TMEM213: variants seen among roughly 807,000 people sequenced by gnomAD.
TMEM213 encodes the protein transmembrane protein 213.
A neutral mutation model predicts 11.6 loss-of-function variants in TMEM213; 7 were observed. The ratio of observed to expected loss-of-function variants is 0.60; its 90% CI spans 0.34 to 1.13. TMEM213 has a LOEUF of 1.13. Among genes scored for constraint, TMEM213 ranks in the 50% most tolerant of loss-of-function variants. The probability of loss-of-function intolerance (pLI) is 0.03; values close to 1 mark genes in which losing one functional copy is unlikely to be tolerated. For missense variants in TMEM213, 129 were observed against 139.0 expected, an observed-to-expected ratio of 0.93 and a Z score of 0.36; for synonymous variants, 60 against 58.3, an observed-to-expected ratio of 1.03 and a Z score of -0.13.
intron 2 of TMEM213, among the ~76,000 whole-genome samples, chr7:138,802,165 C>CA (rs5887905): frequency 9.3e-5 from 14 of 149,794 alleles, no homozygotes; most frequent in African/African-American, 2.2e-4. Flanking sequence ...GACTCCCTCT[C>CA]AAAAAAAAAA....
rs560761867 is a variant in TMEM213 at position 138,798,013 on chromosome 7, T to C, written c.-92T>C. 2.5e-4 allele frequency: 389 copies of C among 1,549,978 alleles called. No individual in the cohort carries two copies. Among genetic ancestry groups the C allele is most frequent in the Non-Finnish European group, 3.2e-4 (367 of 1,146,508 alleles). On this transcript the variant is annotated 5_prime_UTR_variant, in exon 1 of 3. Transcript: ENST00000442682. ...TCTGGCAGAGTTGCTTTCCAGCTCC[T>C]GCAGGTGGGAGTCGACTCACCTGCA...
At position 138,797,996 on chromosome 7, in the gene TMEM213, A is replaced by G. The variant is rs1038397491; in HGVS notation, c.-109A>G. 2 of 1,547,864 alleles carry G rather than the reference A, an allele frequency of 1.3e-6. No individual in the cohort carries two copies. The highest frequency in any genetic ancestry group is 1.4e-5 in the African/African-American group (1 of 72,948). On this transcript the variant is annotated 5_prime_UTR_variant, in exon 1 of 3. Transcript: ENST00000442682. ...CCCAGCATAAGTTCACCTCTGGCAG[A>G]GTTGCTTTCCAGCTCCTGCAGGTGG...
chr7:138,798,243 G>A, intron 1 of TMEM213, 57 bp downstream of exon 1: 2 of 1,487,200 alleles, frequency 1.3e-6, no homozygotes, highest in South Asian at 2.5e-5. Flanking sequence ...AAGGAGGGAA[G>A]AGAGGTGGGA....
Position 138,805,634 on chromosome 7 carries a change from G to A in TMEM213, c.*2565G>A, listed in dbSNP as rs556305492. The A allele has an allele frequency of 3.4e-4, 51 of 152,108 alleles. No homozygotes were observed. The highest frequency in any genetic ancestry group is 1.1e-3 in the African/African-American group (47 of 41,492). The allele number at this position is 152,108 out of a possible 1,614,324, so 9.4% of individuals were successfully genotyped here. A position where few individuals can be genotyped will look rare whatever the true frequency, so the allele number is the denominator to read the frequency against. On this transcript the variant is annotated 3_prime_UTR_variant, in exon 3 of 3. Coordinates refer to ENST00000442682, the MANE Select transcript of TMEM213 (RefSeq NM_001085429.2). ...GAGAGTACTATCTTTTTTTAAAAAG[G>A]GAAATTAAGATTTATTTCTGGCCAA...
intron 1 of TMEM213, among the ~76,000 whole-genome samples, chr7:138,800,783 T>G (rs2130263328): frequency 6.8e-6 from 1 of 146,250 alleles, no homozygotes; most frequent in East Asian, 2.1e-4. Context: ...TCACTGAACC[T>G]CCGCCTCCTG....
Position 138,800,410 on chromosome 7 carries a change from G to A in TMEM213, c.83-917G>A, listed in dbSNP as rs182116142. Reference sequence around the variant, plus strand: ...CCCAATCCCACACCTCAAGACAACAGGACTTTAACAATTCATGCTAAAGTC... The same window carrying A: ...CCCAATCCCACACCTCAAGACAACAAGACTTTAACAATTCATGCTAAAGTC... On this transcript the variant is annotated intron_variant, in intron 1 of 2. Transcript: ENST00000442682. 2.7e-3 allele frequency among the ~76,000 whole-genome samples: 415 copies of A among 152,254 alleles called. 3 individuals are homozygous for A. Among genetic ancestry groups the A allele is most frequent in the Middle Eastern group, 6.8e-3 (2 of 294 alleles).
chr7:138,800,125 G>T (rs1309310816), intron 1 of TMEM213, among the ~76,000 whole-genome samples: 2 of 152,024 alleles, frequency 1.3e-5, no homozygotes, highest in African/African-American at 4.8e-5. Flanking sequence ...TCTAATAATA[G>T]AACTTGCACT....
intron 1 of TMEM213, chr7:138,798,424 C>T (rs1808804907): frequency 1.8e-6 from 1 of 553,716 alleles, no homozygotes; most frequent in Admixed American, 3.1e-5. Flanking sequence ...AATTCCTCAG[C>T]TAAGGCAGGA....
intron 2 of TMEM213, chr7:138,801,776 T>C: frequency 4.3e-6 from 1 of 230,100 alleles, no homozygotes; most frequent in Non-Finnish European, 8.6e-6. Context: ...TATTTCTTCT[T>C]CTTCTATGCA....
rs200046284 is a variant in TMEM213 at position 138,802,927 on chromosome 7, G to A, written c.182G>A (p.Arg61Gln). The A allele has an allele frequency of 2.1e-4, 334 of 1,595,872 alleles. 1 individual carries two copies. Among genetic ancestry groups the A allele is most frequent in the Non-Finnish European group, 2.2e-4 (255 of 1,172,946 alleles). Residue 61 changes from arginine (R) to glutamine (Q), a missense_variant, in exon 3 of 3, where the codon CGG becomes CAG. By Grantham distance (43) the Arg-to-Gln change is conservative. Transcript: ENST00000442682. ...LNVDFCPQAA[R>Q]CCRTGVDEYG... The stretch of plus-strand genomic sequence containing the variant: ...GTGGACTTCTGCCCACAAGCAGCCC[G>A]GTGCTGCCGCACAGGAGTGGACGAG...
Position 138,803,151 on chromosome 7 carries a change from A to G in TMEM213, c.*82A>G, listed in dbSNP as rs1217252983. On this transcript the variant is annotated 3_prime_UTR_variant, in exon 3 of 3. Coordinates refer to ENST00000442682, the MANE Select transcript of TMEM213 (RefSeq NM_001085429.2). ...GGGGAGTAAGGCTAACATGGTTTCT[A>G]TTATTTAAGTCATTTTCACCTTTAA... 3.0e-5 allele frequency: 44 copies of G among 1,463,732 alleles called. No homozygotes were observed. In the East Asian group the frequency reaches 1.0e-3, roughly 35 times the overall value. 90.7% of individuals were successfully genotyped at this position (1,463,732 alleles called of 1,614,324 possible).
At chr7:138,798,483 G>A (rs1490476479) in intron 1 of TMEM213, among the ~76,000 whole-genome samples, 1 of 152,160 alleles carries the variant, frequency 6.6e-6, no homozygotes, top group Non-Finnish European at 1.5e-5. Flanking sequence ...AAAGTTATTT[G>A]CTGGAGTCTC....
intron 1 of TMEM213, chr7:138,799,520 C>T (rs1428744691): frequency 6.6e-6 from 1 of 152,198 alleles, no homozygotes. Context: ...ATTTGAACCA[C>T]AGAAAATTGC....
chr7:138,799,615 T>C (rs1331096669), intron 1 of TMEM213: 3 of 152,228 alleles, frequency 2.0e-5, no homozygotes, highest in Non-Finnish European at 4.4e-5. Context: ...AGGGTTTTTT[T>C]CCACTCACTT....
chr7:138,798,447 C>A, intron 1 of TMEM213: 1 of 540,350 alleles, frequency 1.9e-6, no homozygotes. Flanking sequence ...AGCCACCTCT[C>A]TTGGCCTTTG....
At chr7:138,802,642 G>A (rs1244119312) in intron 2 of TMEM213, among the ~76,000 whole-genome samples, 1 of 152,076 alleles carries the variant, frequency 6.6e-6, no homozygotes, top group Non-Finnish European at 1.5e-5. Context: ...TTGCGTTTGA[G>A]TTCTTCTGCC....
rs769008625 is a variant in TMEM213 at position 138,801,374 on chromosome 7, C to T, written c.130C>T (p.Pro44Ser). The change falls in exon 2 of 3, where the codon CCT becomes TCT. Residue 44 changes from proline to serine, a missense_variant. Pro to Ser is a moderately conservative substitution (Grantham distance 74). Coordinates refer to ENST00000442682, the MANE Select transcript of TMEM213 (RefSeq NM_001085429.2). ...AAGCTTGACCGCTCACCACCCAGAC[C>T]CTGGGACCCTGGAGCAGTGCCTCAG... ...SSSLTAHHPDPGTLEQCLNVD... is the reference protein window; with the variant it reads ...SSSLTAHHPDSGTLEQCLNVD... The T allele has an allele frequency of 1.9e-6, 3 of 1,610,758 alleles. No homozygotes were observed. In the East Asian group the frequency reaches 6.7e-5, roughly 36 times the overall value.
chr7:138,798,039 G>A lies in TMEM213; in HGVS notation c.-66G>A, dbSNP rs1269440131. ...GCAGGTGGGAGTCGACTCACCTGCA[G>A]CAGGCACTCGGCACAACTCCGCAGG... On this transcript the variant is annotated 5_prime_UTR_variant, in exon 1 of 3. Transcript: ENST00000442682. 1.3e-6 allele frequency: 2 copies of A among 1,555,274 alleles called. No individual in the cohort carries two copies. The highest frequency in any genetic ancestry group is 1.7e-4 in the Middle Eastern group (1 of 6,014).
In TMEM213 at chr7:138,804,958, T is replaced by C. The variant is rs779497301; in HGVS notation, c.*1889T>C. On this transcript the variant is annotated 3_prime_UTR_variant, in exon 3 of 3. Transcript: ENST00000442682. ...CTAGTCAAAATACAAAAAGGAAAAA[T>C]GAAAGACCTCTGAAATAGGAACAAT... The C allele has an allele frequency of 2.0e-5, 3 of 152,020 alleles. No individual in the cohort carries two copies. The highest frequency in any genetic ancestry group is 4.4e-5 in the Non-Finnish European group (3 of 67,992). The allele number at this position is 152,020 out of a possible 1,614,324, so 9.4% of individuals were successfully genotyped here. A position where few individuals can be genotyped will look rare whatever the true frequency, so the allele number is the denominator to read the frequency against.
Sources: allele counts gnomAD v4.1 joint callset (sites outside exome capture counted in the v4.1 genomes callset), GRCh38; gene constraint gnomAD v4.1.1; transcripts MANE v1.5; gene names NCBI Gene and HGNC (gene_info 2026-07-23, HGNC 2026-07-21).